Variants in ADGRL4 observed in about 807,000 individuals in gnomAD.
ADGRL4 encodes EGF, latrophilin and seven transmembrane domain containing 1.
A neutral mutation model predicts 74.8 loss-of-function variants in ADGRL4; 90 were observed. The observed-to-expected ratio is 1.20, with a 90% CI of 1.02 to 1.43. The LOEUF (loss-of-function observed/expected upper bound fraction) is 1.43. ADGRL4 is among the 40% of genes most tolerant of loss of function. The probability of loss-of-function intolerance (pLI) is 0.00; values close to 1 mark genes in which losing one functional copy is unlikely to be tolerated. For missense variants in ADGRL4, 881 were observed against 814.3 expected (o/e 1.08, Z -1.00); for synonymous variants, 311 against 279.2 (o/e 1.11, Z -1.14).
intron 2 of ADGRL4, among the ~76,000 whole-genome samples, chr1:78,992,128 G>C (rs1024611999): frequency 6.6e-6 from 1 of 151,996 alleles, no homozygotes; most frequent in Non-Finnish European, 1.5e-5. Flanking sequence ...ACAATGTTTG[G>C]TTAGATTCTA....
At chr1:78,953,733 G>A (rs150838468) in intron 2 of ADGRL4, among the ~76,000 whole-genome samples, 1,683 of 152,284 alleles carry the variant, frequency 0.011, 29 homozygotes, top group African/African-American at 0.038. Flanking sequence ...AGGTAAAAAT[G>A]GTGGACAATA....
rs146759489 is a variant in ADGRL4, at chr1:78,985,476, A to G, written c.172+19594T>C. Among the ~76,000 whole-genome samples, 524 of 151,924 alleles carry G rather than the reference A, an allele frequency of 3.4e-3. 6 individuals carry two copies. The highest frequency in any genetic ancestry group is 0.012 in the African/African-American group (501 of 41,510). On this transcript the variant is annotated intron_variant, in intron 2 of 14. Coordinates refer to ENST00000370742, the MANE Select transcript of ADGRL4 (RefSeq NM_022159.4). The stretch of plus-strand genomic sequence containing the variant: ...AAGCATAGAGTTTATTACTTATTTG[A>G]TCAATTTAAGAATAGTATGTTAATT...
At chr1:79,001,228 A>AG (rs1487916890) in intron 2 of ADGRL4, among the ~76,000 whole-genome samples, 1 of 32,826 alleles carries the variant, frequency 3.0e-5, no homozygotes, top group Non-Finnish European at 5.7e-5. Flanking sequence ...GGAGAGAGGG[A>AG]GGGAGGGAGG....
intron 3 of ADGRL4, among the ~76,000 whole-genome samples, chr1:78,941,043 A>G (rs1055364958): frequency 6.6e-6 from 1 of 152,206 alleles, no homozygotes; most frequent in African/African-American, 2.4e-5. Flanking sequence ...ACTACCCAGA[A>G]ATATGAGCAC....
chr1:78,945,301 C>G (rs1289752392), intron 3 of ADGRL4, among the ~76,000 whole-genome samples: 2 of 151,548 alleles, frequency 1.3e-5, no homozygotes, highest in African/African-American at 4.8e-5. Context: ...TTACCCTTCT[C>G]TATGTTGCAT....
intron 9 of ADGRL4, among the ~76,000 whole-genome samples, chr1:78,920,719 A>G (rs1476311242): frequency 1.3e-5 from 2 of 152,012 alleles, no homozygotes; most frequent in East Asian, 3.9e-4. Context: ...TATAATGTGA[A>G]CATGGTTAAT....
At chr1:78,943,604 T>C (rs1216584305) in intron 3 of ADGRL4, among the ~76,000 whole-genome samples, 2 of 152,190 alleles carry the variant, frequency 1.3e-5, no homozygotes, top group South Asian at 2.1e-4. Context: ...ATGTCAAATT[T>C]AAGGATAAGC....
chr1:78,946,174 G>A (rs1480959746), intron 3 of ADGRL4, 100 bp downstream of exon 3: 18 of 837,798 alleles, frequency 2.1e-5, no homozygotes, highest in East Asian at 2.1e-4. Context: ...CGTAGGGTAC[G>A]ATCAAGGTCT....
intron 3 of ADGRL4, among the ~76,000 whole-genome samples, chr1:78,945,936 T>A (rs1470755066): frequency 2.6e-5 from 4 of 152,194 alleles, no homozygotes; most frequent in Non-Finnish European, 1.5e-5. Flanking sequence ...ACAATTTTCT[T>A]GGAGTATTTT....
chr1:79,001,243 GAGGA>G (rs1450977796), intron 2 of ADGRL4, among the ~76,000 whole-genome samples: 2 of 124,648 alleles, frequency 1.6e-5, no homozygotes, highest in Admixed American at 8.4e-5. Context: ...GGGAGGGAGG[GAGGA>G]AGGAAGGTAT....
chr1:78,921,043 T>C (rs778984025), intron 9 of ADGRL4, among the ~76,000 whole-genome samples: 4 of 140,894 alleles, frequency 2.8e-5, no homozygotes, highest in South Asian at 2.2e-4. Flanking sequence ...ATGGAGATGA[T>C]AGCACAGAGC....
At position 78,938,287 on chromosome 1, in the gene ADGRL4, A is replaced by G. The variant is rs1386394348; in HGVS notation, c.397-8T>C. On this transcript the variant is annotated splice_polypyrimidine_tract_variant and splice_region_variant and intron_variant, in intron 4 of 14. Coordinates refer to ENST00000370742, the MANE Select transcript of ADGRL4 (RefSeq NM_022159.4). ...TTCTTTTATGGATCTGATCTGAGAA[A>G]AAATGAGTCCAGAAAAAGGAAACTA... is the stretch of plus-strand genomic sequence containing the variant. 1.3e-6 allele frequency: 2 copies of G among 1,553,722 alleles called. No individual in the cohort carries two copies. The highest frequency in any genetic ancestry group is 2.8e-5 in the African/African-American group (2 of 71,858).
chr1:78,917,755 T>G, intron 11 of ADGRL4, 55 bp from the exon 12 acceptor site: 1 of 1,584,412 alleles, frequency 6.3e-7, no homozygotes, highest in Non-Finnish European at 8.7e-7. Context: ...TATGTTAACA[T>G]AGCAAAATTA....
At chr1:78,946,170 G>A in intron 3 of ADGRL4, 104 bp downstream of exon 3, 1 of 748,550 alleles carries the variant, frequency 1.3e-6, no homozygotes, top group Non-Finnish European at 2.0e-6. Flanking sequence ...AACACGTAGG[G>A]TACGATCAAG....
chr1:78,979,243 A>G (rs540395808), intron 2 of ADGRL4, among the ~76,000 whole-genome samples: 1 of 151,900 alleles, frequency 6.6e-6, no homozygotes, highest in South Asian at 2.1e-4. Flanking sequence ...TACTTAAAAA[A>G]CCTTTGTTTT....
chr1:78,971,608 G>C (rs751723397), intron 2 of ADGRL4, among the ~76,000 whole-genome samples: 1 of 152,168 alleles, frequency 6.6e-6, no homozygotes, highest in Non-Finnish European at 1.5e-5. Flanking sequence ...ATCCTTCAAA[G>C]TATCTGTGAG....
rs1648250022 is a variant in ADGRL4, at chr1:78,890,671, A to G, written c.*483T>C. ...GTCTACAGAAAAAACAGTTCATTCA[A>G]AATACATCTTATCATTCCCTTTTCA... On this transcript the variant is annotated 3_prime_UTR_variant, in exon 15 of 15. Coordinates refer to ENST00000370742, the MANE Select transcript of ADGRL4 (RefSeq NM_022159.4). The G allele has an allele frequency of 6.5e-6, 1 of 152,906 alleles. No homozygotes were observed. The highest frequency in any genetic ancestry group is 1.5e-5 in the Non-Finnish European group (1 of 68,606). The allele number at this position is 152,906 out of a possible 1,614,324, so 9.5% of individuals were successfully genotyped here. A position where few individuals can be genotyped will look rare whatever the true frequency, so the allele number is the denominator to read the frequency against.
chr1:78,984,754 T>A (rs943127354), intron 2 of ADGRL4, among the ~76,000 whole-genome samples: 1 of 151,746 alleles, frequency 6.6e-6, no homozygotes, highest in African/African-American at 2.4e-5. Context: ...AAAAAATTCC[T>A]AGAAATTTCT....
chr1:78,952,421 T>C lies in ADGRL4; in HGVS notation c.173-5995A>G, dbSNP rs1366551409. Among the ~76,000 whole-genome samples, 5 of 150,218 alleles carry C rather than the reference T, an allele frequency of 3.3e-5. No individual in the cohort carries two copies. The Admixed American group carries it at 3.3e-4, about 10-fold the overall frequency. ...GGGAATTCTCTTTCCATATCAGTAC[T>C]ATAAGGAACTTTAAAAGATCATCAC... On this transcript the variant is annotated intron_variant, in intron 2 of 14. Coordinates refer to ENST00000370742, the MANE Select transcript of ADGRL4 (RefSeq NM_022159.4).
Sources: gnomAD v4.1 joint callset for allele counts (sites outside exome capture counted in the v4.1 genomes callset) on GRCh38, gnomAD v4.1.1 for gene constraint, MANE v1.5 for transcripts, NCBI Gene and HGNC (gene_info 2026-07-23, HGNC 2026-07-21) for gene names.